PCDHGC3: variants seen among roughly 807,000 people sequenced by gnomAD.
PCDHGC3 encodes protocadherin gamma subfamily C, 3.
In PCDHGC3, 26 loss-of-function variants were observed where a neutral mutation model predicts 59.2. The observed-to-expected ratio is 0.44, with a 90% CI of 0.32 to 0.61. The LOEUF (loss-of-function observed/expected upper bound fraction) is 0.61. Ranked by LOEUF, PCDHGC3 falls within the 20% of genes least tolerant of loss-of-function variation. The pLI is 0.05. For synonymous variants in PCDHGC3, 487 were observed against 519.7 expected (o/e 0.94, Z 0.86); for missense variants, 1,080 against 1,221.8 (o/e 0.88, Z 1.73).
chr5:141,476,986 C>A lies in PCDHGC3; in HGVS notation c.870C>A (p.Gly290=). ...IYSFGSHNRA[G]VRQLFALDLV... is the part of the protein sequence containing the mutation. ...CCTTCGGCAGCCACAACCGCGCCGG[C>A]GTGCGGCAACTATTCGCCTTAGACC... The change falls in exon 1 of 4, where the codon GGC becomes GGA. Residue 290 remains glycine, a synonymous_variant. Transcript: ENST00000308177. The surrounding 1 kb of genome is among the most constrained non-coding windows in gnomAD (Gnocchi z 7.6). 6.2e-7 allele frequency: 1 copy of A among 1,614,218 alleles called. No individual in the cohort carries two copies. The highest frequency in any genetic ancestry group is 8.5e-7 in the Non-Finnish European group (1 of 1,180,042).
chr5:141,478,412 TC>T lies in PCDHGC3; in HGVS notation c.2299del (p.Arg767AlafsTer7). 1.2e-6 allele frequency: 2 copies of T among 1,611,958 alleles called. No individual in the cohort carries two copies. Among genetic ancestry groups the T allele is most frequent in the Non-Finnish European group, 1.7e-6 (2 of 1,179,512 alleles). ...LYHQVYLTTD[S>X]RRSDPLLKKP... is the part of the protein sequence containing the mutation. ...CCATCAGGTGTATCTCACCACGGACTCCCGCCGCAGCGACCCGCTGCTGAAG... is the reference window on the plus strand; with the variant it reads ...CCATCAGGTGTATCTCACCACGGACTCCGCCGCAGCGACCCGCTGCTGAAG... On this transcript the variant is annotated frameshift_variant, in exon 1 of 4. Transcript: ENST00000308177. LOFTEE classifies it high-confidence loss of function.
chr5:141,496,306 C>T (rs1380057886), intron 2 of PCDHGC3, among the ~76,000 whole-genome samples: 1 of 152,202 alleles, frequency 6.6e-6, no homozygotes, highest in South Asian at 2.1e-4. Flanking sequence ...ATAGGCTCTG[C>T]GCCAGGCCTC....
At position 141,511,622 on chromosome 5, in the gene PCDHGC3, A is replaced by G; in HGVS notation, c.*449A>G. 4.3e-6 allele frequency: 1 copy of G among 232,852 alleles called. No individual in the cohort carries two copies. The highest frequency in any genetic ancestry group is 8.7e-6 in the Non-Finnish European group (1 of 114,994). The allele number at this position is 232,852 out of a possible 1,614,324, so 14.4% of individuals were successfully genotyped here. A position where few individuals can be genotyped will look rare whatever the true frequency, so the allele number is the denominator to read the frequency against. On this transcript the variant is annotated 3_prime_UTR_variant, in exon 4 of 4. Transcript: ENST00000308177. ...AACCTACAAGCCTCCTAGTTCTGAA[A>G]AGTTGGAAGGGCATCATGACCTCTT...
rs767547572 is a variant in PCDHGC3 at position 141,505,495 on chromosome 5, G to C, written c.2578+14G>C. On this transcript the variant is annotated intron_variant, in intron 3 of 3. Coordinates refer to ENST00000308177, the MANE Select transcript of PCDHGC3 (RefSeq NM_002588.4). The stretch of plus-strand genomic sequence containing the variant: ...CGTCCGCCAGTGGTAAGTGGTGTCA[G>C]TGTGTGTATGGAAGAGTGGGAGACC... 5 of 1,614,210 alleles carry C rather than the reference G, an allele frequency of 3.1e-6. No individual in the cohort carries two copies. Among genetic ancestry groups the C allele is most frequent in the Non-Finnish European group, 4.2e-6 (5 of 1,180,000 alleles).
rs112156044 is a variant in PCDHGC3, at chr5:141,476,771, G to C, written c.655G>C (p.Gly219Arg). ...SLQLVLTALD[G>R]GTPALSASLP... ...CCAGTTAGTGCTGACGGCGTTGGAC[G>C]GAGGGACCCCAGCTCTCTCCGCCAG... Residue 219 changes from glycine to arginine, a missense_variant, in exon 1 of 4, where the codon GGA becomes CGA. By Grantham distance (125) the Gly-to-Arg change is moderately radical. Coordinates refer to ENST00000308177, the MANE Select transcript of PCDHGC3 (RefSeq NM_002588.4). The surrounding 1 kb of genome is among the most constrained non-coding windows in gnomAD (Gnocchi z 7.6). 1.1e-5 allele frequency: 18 copies of C among 1,613,700 alleles called. 1 individual carries two copies. In the South Asian group the frequency reaches 1.3e-4, roughly 12 times the overall value.
chr5:141,494,775 A>G (rs1202233200), intron 1 of PCDHGC3, 32 bp from the exon 2 acceptor site: 1 of 1,613,580 alleles, frequency 6.2e-7, no homozygotes. Flanking sequence ...TCTCACGGGT[A>G]CTCAGCCCCT....
At chr5:141,507,450 CAG>C (rs940460926) in intron 3 of PCDHGC3, among the ~76,000 whole-genome samples, 3 of 152,168 alleles carry the variant, frequency 2.0e-5, no homozygotes, top group African/African-American at 7.2e-5. Flanking sequence ...GACGGAAGGA[CAG>C]AGAGAGAGGT....
Position 141,504,677 on chromosome 5 carries a change from T to C in PCDHGC3, c.2490-716T>C, listed in dbSNP as rs552242248. 4.7e-5 allele frequency among the ~76,000 whole-genome samples: 7 copies of C among 147,580 alleles called. No homozygotes were observed. In the East Asian group the frequency reaches 1.5e-3, roughly 31 times the overall value. ...TTTGAGGGCGGGGGGTGGGGGTTCT[T>C]GTAAAATAGGAGGGGCAGGTTCTTC... On this transcript the variant is annotated intron_variant, in intron 2 of 3. Transcript: ENST00000308177.
rs527514615 is a variant in PCDHGC3 at position 141,485,941 on chromosome 5, A to G, written c.2430+7395A>G. ...GGATTAGTGTGTTGGAGAGCGCACC[A>G]GCGGGCATGGTGCTCATCCAGCTCA... is the stretch of plus-strand genomic sequence containing the variant. On this transcript the variant is annotated intron_variant, in intron 1 of 3. Coordinates refer to ENST00000308177, the MANE Select transcript of PCDHGC3 (RefSeq NM_002588.4). This position sits in a 1 kb window ranked among gnomAD's most constrained non-coding sequence, Gnocchi z 5.7. The G allele has an allele frequency of 2.5e-6, 4 of 1,614,180 alleles. No homozygotes were observed. The highest frequency in any genetic ancestry group is 2.7e-5 in the African/African-American group (2 of 75,032).
chr5:141,491,493 G>A lies in PCDHGC3; in HGVS notation c.2431-3314G>A, dbSNP rs1008591563. On this transcript the variant is annotated intron_variant, in intron 1 of 3. Transcript: ENST00000308177. This position sits in a 1 kb window ranked among gnomAD's most constrained non-coding sequence, Gnocchi z 6.9. ...AGCAGTCCAGCCCCAACCTGCAGGT[G>A]AGCTCGGACGGCACGCTCAAGTACA... 6.2e-7 allele frequency: 1 copy of A among 1,614,000 alleles called. No homozygotes were observed. Among genetic ancestry groups the A allele is most frequent in the African/African-American group, 1.3e-5 (1 of 74,928 alleles).
chr5:141,490,482 G>A lies in PCDHGC3; in HGVS notation c.2431-4325G>A. On this transcript the variant is annotated intron_variant, in intron 1 of 3. Coordinates refer to ENST00000308177, the MANE Select transcript of PCDHGC3 (RefSeq NM_002588.4). The surrounding 1 kb of genome is among the most constrained non-coding windows in gnomAD (Gnocchi z 5.4). ...TGCTAACCAGCCAGCCTTTGGACCG[G>A]GAGGCCACATCCCACTATATCATCG... 2.5e-6 allele frequency: 4 copies of A among 1,614,154 alleles called. No homozygotes were observed. In the South Asian group the frequency reaches 4.4e-5, roughly 18 times the overall value.
In PCDHGC3 at chr5:141,511,421, G is replaced by A. The variant is rs1289887363; in HGVS notation, c.*248G>A. 19 of 829,148 alleles carry A rather than the reference G, an allele frequency of 2.3e-5. No individual in the cohort carries two copies. The highest frequency in any genetic ancestry group is 3.8e-4 in the Middle Eastern group (1 of 2,640). 51.4% of individuals were successfully genotyped at this position (829,148 alleles called of 1,614,324 possible). On this transcript the variant is annotated 3_prime_UTR_variant, in exon 4 of 4. Coordinates refer to ENST00000308177, the MANE Select transcript of PCDHGC3 (RefSeq NM_002588.4). The stretch of plus-strand genomic sequence containing the variant: ...CCAATCAACTGCTGTACCCATGGGG[G>A]TAGTGGGGTTACTGTAGACACCAAG...
At chr5:141,509,536 A>T (rs778275338) in intron 3 of PCDHGC3, among the ~76,000 whole-genome samples, 1 of 152,130 alleles carries the variant, frequency 6.6e-6, no homozygotes, top group Non-Finnish European at 1.5e-5. Context: ...AGGATGAAGC[A>T]CCATCTCATT....
At position 141,477,706 on chromosome 5, in the gene PCDHGC3, G is replaced by A. The variant is rs1490514142; in HGVS notation, c.1590G>A (p.Arg530=). 6 of 1,613,988 alleles carry A rather than the reference G, an allele frequency of 3.7e-6. No homozygotes were observed. Among genetic ancestry groups the A allele is most frequent in the Non-Finnish European group, 5.1e-6 (6 of 1,180,044 alleles). ...TAGTGCCCCTAGACTATGAGGATCGGCGGGAATTTGAATTAACAGCTCATA... is the reference window on the plus strand; with the variant it reads ...TAGTGCCCCTAGACTATGAGGATCGACGGGAATTTGAATTAACAGCTCATA... ...SSLVPLDYED[R]REFELTAHIS... Residue 530 remains arginine, a synonymous_variant, in exon 1 of 4, where the codon CGG becomes CGA. Transcript: ENST00000308177. This position sits in a 1 kb window ranked among gnomAD's most constrained non-coding sequence, Gnocchi z 4.9.
intron 2 of PCDHGC3, among the ~76,000 whole-genome samples, chr5:141,500,212 ATT>A (rs1336187706): frequency 5.4e-5 from 8 of 148,798 alleles, no homozygotes; most frequent in African/African-American, 2.0e-4. Context: ...TTATTTATTT[ATT>A]TATTTATTTA....
intron 1 of PCDHGC3, 98 bp downstream of exon 1, chr5:141,478,644 T>C (rs1217932733): frequency 6.4e-7 from 1 of 1,552,238 alleles, no homozygotes. Flanking sequence ...GATGAAGATG[T>C]TTTCCTGGTG....
Position 141,490,942 on chromosome 5 carries a change from C to T in PCDHGC3, c.2431-3865C>T, listed in dbSNP as rs371286343. On this transcript the variant is annotated intron_variant, in intron 1 of 3. Coordinates refer to ENST00000308177, the MANE Select transcript of PCDHGC3 (RefSeq NM_002588.4). This position sits in a 1 kb window ranked among gnomAD's most constrained non-coding sequence, Gnocchi z 5.4. ...TAATGCCCCAGCTGTGCTGCACCCA[C>T]GGCCAGACTGGGAACACTCAGCCCC... 8.7e-5 allele frequency: 141 copies of T among 1,613,526 alleles called. No individual in the cohort carries two copies. Among genetic ancestry groups the T allele is most frequent in the Non-Finnish European group, 1.1e-4 (126 of 1,179,768 alleles).
intron 1 of PCDHGC3, 58 bp from the exon 2 acceptor site, chr5:141,494,749 G>A (rs573811540): frequency 2.9e-5 from 47 of 1,612,698 alleles, no homozygotes; most frequent in Non-Finnish European, 3.6e-5. Flanking sequence ...CTAGGGGCTC[G>A]GGTGACATTC....
rs1259098111 is a variant in PCDHGC3 at position 141,489,418 on chromosome 5, T to C, written c.2431-5389T>C. On this transcript the variant is annotated intron_variant, in intron 1 of 3. Coordinates refer to ENST00000308177, the MANE Select transcript of PCDHGC3 (RefSeq NM_002588.4). This position sits in a 1 kb window ranked among gnomAD's most constrained non-coding sequence, Gnocchi z 4.5. ...TCTGGGCTTAAAGATGACAGATCTGTTGAGCCGGCGGCTGCAATTGGGCTC... is the reference window on the plus strand; with the variant it reads ...TCTGGGCTTAAAGATGACAGATCTGCTGAGCCGGCGGCTGCAATTGGGCTC... The C allele has an allele frequency of 1.2e-6, 2 of 1,614,174 alleles. No individual in the cohort carries two copies. The highest frequency in any genetic ancestry group is 8.5e-7 in the Non-Finnish European group (1 of 1,180,032).
Sources: gnomAD v4.1 joint callset for allele counts (sites outside exome capture counted in the v4.1 genomes callset) on GRCh38, gnomAD v4.1.1 for gene constraint, Gnocchi (gnomAD v3.1) non-coding constraint, MANE v1.5 for transcripts, NCBI Gene and HGNC (gene_info 2026-07-23, HGNC 2026-07-21) for gene names.